The following LRMDA variants were observed in gnomAD, a reference collection of about 807,000 sequenced individuals.
LRMDA encodes the protein leucine-rich melanocyte differentiation-associated protein.
Under a neutral mutation model 29.8 loss-of-function variants are expected in LRMDA, and 18 were observed. The observed-to-expected ratio is 0.60, with a 90% CI of 0.42 to 0.90. The LOEUF is 0.90. Among genes scored for constraint, LRMDA ranks in the 40% least tolerant of loss-of-function variants. The probability of loss-of-function intolerance (pLI) is 0.00; values close to 1 mark genes in which losing one functional copy is unlikely to be tolerated. For synonymous variants in LRMDA, 125 were observed against 109.4 expected (o/e 1.14, Z -0.89); for missense variants, 273 against 273.9 (o/e 1.00, Z 0.02).
chr10:75,929,632 C>G (rs894816054), intron 2 of LRMDA, among the ~76,000 whole-genome samples: 1 of 152,114 alleles, frequency 6.6e-6, no homozygotes, highest in African/African-American at 2.4e-5. Flanking sequence ...ACATAGCCCT[C>G]AAATTTCTGT....
chr10:76,205,586 C>T (rs902399086), intron 5 of LRMDA, among the ~76,000 whole-genome samples: 3 of 152,032 alleles, frequency 2.0e-5, no homozygotes, highest in African/African-American at 4.8e-5. Flanking sequence ...AGGGTGGGAA[C>T]GTTTGGAGAA....
intron 2 of LRMDA, among the ~76,000 whole-genome samples, chr10:75,604,163 T>C (rs1840924875): frequency 6.6e-6 from 1 of 152,160 alleles, no homozygotes; most frequent in Non-Finnish European, 1.5e-5. Flanking sequence ...GTTTGCAATT[T>C]GGATTTTATA....
chr10:76,423,468 A>G (rs1842090678), intron 6 of LRMDA, among the ~76,000 whole-genome samples: 1 of 152,132 alleles, frequency 6.6e-6, no homozygotes, highest in South Asian at 2.1e-4. Flanking sequence ...CATTTAACTT[A>G]CCATAGCCTT....
intron 5 of LRMDA, among the ~76,000 whole-genome samples, chr10:76,313,936 C>G (rs1840660259): frequency 6.6e-6 from 1 of 151,946 alleles, no homozygotes; most frequent in Admixed American, 6.6e-5. Context: ...TATGTCAGAA[C>G]TTTACTCATT....
rs373083811 is a variant in LRMDA at position 75,946,928 on chromosome 10, C to T, written c.132-89080C>T. Among the ~76,000 whole-genome samples the T allele has an allele frequency of 6.6e-5, 10 of 152,130 alleles. 1 individual carries two copies. In the South Asian group the frequency reaches 1.4e-3, roughly 22 times the overall value. The stretch of plus-strand genomic sequence containing the variant: ...CAAGACTTCTGGTTGAACACCTTCA[C>T]GTCACATAGGAGGAACTGGGGCTGA... On this transcript the variant is annotated intron_variant, in intron 2 of 6. Transcript: ENST00000611255.
intron 2 of LRMDA, among the ~76,000 whole-genome samples, chr10:75,924,237 G>C (rs1280053629): frequency 2.0e-5 from 3 of 152,138 alleles, no homozygotes; most frequent in Non-Finnish European, 4.4e-5. Flanking sequence ...AACTTTAATG[G>C]GATTTGACAA....
chr10:76,126,882 A>G (rs570067235), intron 5 of LRMDA, among the ~76,000 whole-genome samples: 1 of 152,362 alleles, frequency 6.6e-6, no homozygotes, highest in Non-Finnish European at 1.5e-5. Context: ...TCTTCCTGAT[A>G]GCACTGCCAA....
chr10:75,477,080 T>G (rs1235770294), intron 2 of LRMDA, among the ~76,000 whole-genome samples: 1 of 152,038 alleles, frequency 6.6e-6, no homozygotes, highest in African/African-American at 2.4e-5. Flanking sequence ...TGCCTTGAAC[T>G]CTTGGGCCCC....
chr10:76,384,506 A>G (rs747923691), intron 6 of LRMDA, among the ~76,000 whole-genome samples: 3 of 152,176 alleles, frequency 2.0e-5, no homozygotes, highest in Admixed American at 6.5e-5. Context: ...TTCTGCTCCA[A>G]CTGTCTGCTC....
At chr10:76,224,256 G>GT (rs1215306583) in intron 5 of LRMDA, among the ~76,000 whole-genome samples, 1 of 151,616 alleles carries the variant, frequency 6.6e-6, no homozygotes, top group Non-Finnish European at 1.5e-5. Flanking sequence ...GAGGAACTGG[G>GT]TATGTATAAG....
intron 6 of LRMDA, among the ~76,000 whole-genome samples, chr10:76,407,550 C>T (rs557495828): frequency 1.3e-5 from 2 of 152,234 alleles, no homozygotes; most frequent in South Asian, 2.1e-4. Context: ...ACCTTTGTCT[C>T]GTTATCTCAT....
intron 2 of LRMDA, among the ~76,000 whole-genome samples, chr10:75,942,157 G>A (rs535463407): frequency 7.3e-4 from 111 of 152,114 alleles, no homozygotes; most frequent in African/African-American, 2.5e-3. Context: ...CCTCAGCGAC[G>A]TGCAGCCCCT....
At chr10:75,790,383 C>T (rs1268790796) in intron 2 of LRMDA, among the ~76,000 whole-genome samples, 1 of 152,192 alleles carries the variant, frequency 6.6e-6, no homozygotes. Context: ...ATATGCTAGA[C>T]ATTTAACCCA....
At chr10:75,780,938 G>A (rs61729567) in intron 2 of LRMDA, among the ~76,000 whole-genome samples, 1 of 152,192 alleles carries the variant, frequency 6.6e-6, no homozygotes, top group African/African-American at 2.4e-5. Context: ...TTACCTAAAG[G>A]AATAAGTCTT....
chr10:76,550,698 T>G (rs962915376), intron 6 of LRMDA, among the ~76,000 whole-genome samples: 5 of 152,058 alleles, frequency 3.3e-5, no homozygotes, highest in Admixed American at 6.5e-5. Flanking sequence ...CCTTTCTTCA[T>G]TTCATCTCCA....
At chr10:76,109,678 C>T (rs1339880809) in intron 5 of LRMDA, among the ~76,000 whole-genome samples, 4 of 152,200 alleles carry the variant, frequency 2.6e-5, no homozygotes, top group Non-Finnish European at 4.4e-5. Flanking sequence ...TGTGTATCAG[C>T]GCAGAATTTG....
At chr10:76,222,507 A>G (rs1421867995) in intron 5 of LRMDA, among the ~76,000 whole-genome samples, 1 of 152,184 alleles carries the variant, frequency 6.6e-6, no homozygotes, top group Non-Finnish European at 1.5e-5. Flanking sequence ...CAGCCAAAAA[A>G]ACACATGAAA....
intron 6 of LRMDA, among the ~76,000 whole-genome samples, chr10:76,364,434 T>C (rs1841364801): frequency 6.6e-6 from 1 of 152,048 alleles, no homozygotes; most frequent in African/African-American, 2.4e-5. Context: ...CTAGGGGTGG[T>C]TATTACTTTA....
At chr10:76,297,106 A>T (rs1379301074) in intron 5 of LRMDA, among the ~76,000 whole-genome samples, 1 of 152,236 alleles carries the variant, frequency 6.6e-6, no homozygotes, top group Non-Finnish European at 1.5e-5. Context: ...TGATCCGCAG[A>T]TACCTTCTGC....
Sources: allele counts gnomAD v4.1 joint callset (sites outside exome capture counted in the v4.1 genomes callset), GRCh38; gene constraint gnomAD v4.1.1; transcripts MANE v1.5; gene names NCBI Gene and HGNC (gene_info 2026-07-23, HGNC 2026-07-21).